Variants in CCDC39 observed in about 807,000 individuals in gnomAD.
The protein encoded by CCDC39 is coiled-coil domain-containing protein 39.
A neutral mutation model predicts 121.0 loss-of-function variants in CCDC39; 113 were observed. The observed-to-expected ratio is 0.93, with a 90% CI of 0.80 to 1.09. The LOEUF (loss-of-function observed/expected upper bound fraction) is 1.09. CCDC39 is among the 50% of genes least tolerant of loss of function. CCDC39 has a pLI of 0.00. For synonymous variants in CCDC39, 349 were observed against 352.2 expected (o/e 0.99, Z 0.10); for missense variants, 1,063 against 1,074.7 (o/e 0.99, Z 0.15).
At chr3:180,631,282 A>G (rs1717687999) in intron 14 of CCDC39, among the ~76,000 whole-genome samples, 187 bp downstream of exon 14, 1 of 152,232 alleles carries the variant, frequency 6.6e-6, no homozygotes, top group South Asian at 2.1e-4. Context: ...CAGTATCTCC[A>G]TTTAGGAATG....
At chr3:180,667,273 C>T (rs981418052) in intron 1 of CCDC39, among the ~76,000 whole-genome samples, 1 of 152,242 alleles carries the variant, frequency 6.6e-6, no homozygotes, top group Middle Eastern at 3.4e-3. Context: ...CTTATGGAGA[C>T]ACAAGAAACT....
intron 14 of CCDC39, among the ~76,000 whole-genome samples, chr3:180,621,593 T>A (rs142368399): frequency 5.7e-4 from 87 of 152,240 alleles, no homozygotes; most frequent in African/African-American, 1.9e-3. Context: ...TTCCAACTTT[T>A]AGGTTCAAGG....
rs1456500285 is a variant in CCDC39 at position 180,631,524 on chromosome 3, A to G, written c.1943T>C (p.Val648Ala). The G allele has an allele frequency of 5.0e-6, 8 of 1,608,964 alleles. No individual in the cohort carries two copies. The African/African-American group carries it at 6.7e-5, about 13-fold the overall frequency. ...CTCTTCTCCTTCAGGAGGCAGCATA[A>G]CAACAGTCAGAATTTCATATCTATT... ...LKNRYEILTV[V>A]MLPPEGEEEK... is the part of the protein sequence containing the mutation. The change falls in exon 14 of 20, where the codon GTT becomes GCT. Residue 648 changes from valine to alanine, a missense_variant. Transcript: ENST00000476379.
In CCDC39 at chr3:180,660,317, C is replaced by T. The variant is rs112840919; in HGVS notation, c.516+253G>A. Among the ~76,000 whole-genome samples the T allele has an allele frequency of 5.9e-5, 9 of 151,994 alleles. No homozygotes were observed. In the South Asian group the frequency reaches 8.3e-4, roughly 14 times the overall value. ...TATAAATCAGGATATTCTTAACCTG[C>T]GATCCATGAATCCTCAAATAATCAA... On this transcript the variant is annotated intron_variant, in intron 4 of 19. Transcript: ENST00000476379.
chr3:180,651,747 G>A (rs887372474), intron 8 of CCDC39, among the ~76,000 whole-genome samples: 15 of 151,992 alleles, frequency 9.9e-5, no homozygotes, highest in Middle Eastern at 3.2e-3. Context: ...GTTTAATAAC[G>A]TAGTAGCTGG....
At chr3:180,623,877 G>A (rs918882399) in intron 14 of CCDC39, among the ~76,000 whole-genome samples, 4 of 151,460 alleles carry the variant, frequency 2.6e-5, no homozygotes, top group African/African-American at 9.7e-5. Context: ...GATGTTCCAT[G>A]TGCTTATGAA....
intron 12 of CCDC39, among the ~76,000 whole-genome samples, chr3:180,642,836 C>T (rs1376156741): frequency 6.8e-6 from 1 of 147,882 alleles, no homozygotes; most frequent in Non-Finnish European, 1.5e-5. Flanking sequence ...AGTTTCTAAG[C>T]ATAAAAATTA....
intron 13 of CCDC39, among the ~76,000 whole-genome samples, chr3:180,637,237 A>G (rs551263763): frequency 1.3e-5 from 2 of 152,314 alleles, no homozygotes; most frequent in East Asian, 3.9e-4. Context: ...TTTATAAGAA[A>G]AAATACAACC....
intron 1 of CCDC39, among the ~76,000 whole-genome samples, chr3:180,675,015 C>T (rs761578806): frequency 2.6e-5 from 4 of 152,164 alleles, no homozygotes; most frequent in Admixed American, 6.6e-5. Flanking sequence ...AGGGAGAATT[C>T]CCTCTTTTTC....
At chr3:180,621,425 CT>C (rs1717429625) in intron 14 of CCDC39, among the ~76,000 whole-genome samples, 1 of 152,040 alleles carries the variant, frequency 6.6e-6, no homozygotes, top group Non-Finnish European at 1.5e-5. Context: ...ACCAACATCT[CT>C]TGTTTTCTGT....
rs1298520963 is a variant in CCDC39 at position 180,659,667 on chromosome 3, T to G, written c.609+10A>C. ...GAAAATTAAGAAATAAAAATCTTCC[T>G]TAAACTAACCTGTGCGCTTATAGTC... On this transcript the variant is annotated intron_variant, in intron 5 of 19. Transcript: ENST00000476379. The G allele has an allele frequency of 6.2e-7, 1 of 1,605,174 alleles. No individual in the cohort carries two copies. The highest frequency in any genetic ancestry group is 8.5e-7 in the Non-Finnish European group (1 of 1,176,838).
intron 9 of CCDC39, among the ~76,000 whole-genome samples, chr3:180,649,204 A>C (rs1333471445): frequency 6.6e-6 from 1 of 152,100 alleles, no homozygotes; most frequent in East Asian, 1.9e-4. Flanking sequence ...CTTTGCCTCC[A>C]GTTGGCCTCC....
chr3:180,630,795 A>G (rs987745823), intron 14 of CCDC39, among the ~76,000 whole-genome samples: 1 of 152,220 alleles, frequency 6.6e-6, no homozygotes, highest in Non-Finnish European at 1.5e-5. Flanking sequence ...AGAAAAAAAC[A>G]GATTCACCTG....
chr3:180,646,815 T>A (rs1183271958), intron 11 of CCDC39, among the ~76,000 whole-genome samples: 1 of 152,072 alleles, frequency 6.6e-6, no homozygotes, highest in Admixed American at 6.6e-5. Context: ...AAACAGATAA[T>A]AGTATCTTCC....
At chr3:180,664,863 AT>A (rs11309193) in intron 1 of CCDC39, among the ~76,000 whole-genome samples, 120,073 of 143,662 alleles carry the variant, frequency 0.84, 50,059 homozygotes, top group East Asian at 0.99. Context: ...CACCTGGCTA[AT>A]TTTTTTTTTT....
chr3:180,664,789 G>T (rs542175034), intron 1 of CCDC39, among the ~76,000 whole-genome samples: 1 of 150,574 alleles, frequency 6.6e-6, no homozygotes, highest in East Asian at 1.9e-4. Context: ...TCTGCCTCCC[G>T]AGTTCAACGA....
intron 3 of CCDC39, 92 bp from the exon 4 acceptor site, chr3:180,660,820 C>A: frequency 8.8e-7 from 1 of 1,131,862 alleles, no homozygotes; most frequent in South Asian, 1.9e-5. Flanking sequence ...TACTATGGAG[C>A]AAAATTAAAA....
In CCDC39 at chr3:180,651,433, C is replaced by A; in HGVS notation, c.1135G>T (p.Asp379Tyr). 6.4e-7 allele frequency: 1 copy of A among 1,560,040 alleles called. No individual in the cohort carries two copies. The highest frequency in any genetic ancestry group is 1.2e-5 in the South Asian group (1 of 84,310). The change falls in exon 9 of 20, where the codon GAT becomes TAT. Residue 379 changes from aspartate (D) to tyrosine (Y), a missense_variant. Transcript: ENST00000476379. Reference protein sequence around the residue: ...SVEEKATNLEDMLKEEEKDVK... With the variant: ...SVEEKATNLEYMLKEEEKDVK... ...TCTTTTTCCTCCTCCTTTAGCATAT[C>A]TTCCAAATTAGTAGCTTTCTCTTCT...
chr3:180,678,553 C>T (rs984379929), intron 1 of CCDC39, among the ~76,000 whole-genome samples: 6 of 151,624 alleles, frequency 4.0e-5, no homozygotes, highest in African/African-American at 1.5e-4. Context: ...TGGGGGGTCT[C>T]GCTTTGTTGT....
Sources: allele counts gnomAD v4.1 joint callset (sites outside exome capture counted in the v4.1 genomes callset), GRCh38; gene constraint gnomAD v4.1.1; transcripts MANE v1.5; gene names NCBI Gene and HGNC (gene_info 2026-07-23, HGNC 2026-07-21).